Variants in DZANK1 observed in about 807,000 individuals in gnomAD.
The protein encoded by DZANK1 is double zinc ribbon and ankyrin repeat-containing protein 1.
A neutral mutation model predicts 94.5 loss-of-function variants in DZANK1; 91 were observed. That is an observed-to-expected ratio of 0.96 (90% CI 0.81 to 1.15). The LOEUF (loss-of-function observed/expected upper bound fraction) is 1.15. Among genes scored for constraint, DZANK1 ranks in the 50% most tolerant of loss-of-function variants. The probability of loss-of-function intolerance (pLI) is 0.00; values close to 1 mark genes in which losing one functional copy is unlikely to be tolerated. For synonymous variants in DZANK1, 312 were observed against 325.3 expected (o/e 0.96, Z 0.44); for missense variants, 903 against 916.4 (o/e 0.99, Z 0.19).
intron 17 of DZANK1, among the ~76,000 whole-genome samples, chr20:18,392,401 G>A (rs1423707124): frequency 6.6e-6 from 1 of 152,236 alleles, no homozygotes; most frequent in Non-Finnish European, 1.5e-5. Context: ...CCTGCCTCCA[G>A]AGGAATCAGG....
chr20:18,385,573 G>T (rs1254169450), intron 19 of DZANK1, among the ~76,000 whole-genome samples: 1 of 151,992 alleles, frequency 6.6e-6, no homozygotes, highest in Non-Finnish European at 1.5e-5. Flanking sequence ...ATGCCACCAT[G>T]CCTGGCTAAT....
intron 8 of DZANK1, 178 bp from the exon 9 acceptor site, chr20:18,433,943 T>C (rs1174097697): frequency 1.8e-6 from 1 of 561,098 alleles, no homozygotes; most frequent in African/African-American, 1.9e-5. Flanking sequence ...TAAAGTTTGA[T>C]TTGTTTTTGT....
chr20:18,398,645 C>A lies in DZANK1; in HGVS notation c.1433-19G>T. The A allele has an allele frequency of 5.0e-6, 8 of 1,603,888 alleles. No individual in the cohort carries two copies. Among genetic ancestry groups the A allele is most frequent in the Non-Finnish European group, 6.8e-6 (8 of 1,170,812 alleles). On this transcript the variant is annotated intron_variant, in intron 13 of 20. Coordinates refer to ENST00000262547, the Ensembl canonical transcript of DZANK1. ...CAGTACCCTAAGAAAGAAGAGAAAC[C>A]CCGCCATCTGGATGATTCTCCTGAG...
chr20:18,415,686 C>A (rs1451389308), intron 10 of DZANK1, among the ~76,000 whole-genome samples: 2 of 152,076 alleles, frequency 1.3e-5, no homozygotes, highest in Non-Finnish European at 2.9e-5. Flanking sequence ...GTCAATGAAA[C>A]TGGTACCTTG....
intron 8 of DZANK1, chr20:18,433,985 T>C (rs1411792307): frequency 7.9e-6 from 4 of 508,730 alleles, no homozygotes; most frequent in Admixed American, 7.0e-5. Context: ...ACCTTTATGA[T>C]GGATATGCTA....
At chr20:18,384,463 T>C in exon 21 of DZANK1, 1 of 1,612,066 alleles carries the variant, frequency 6.2e-7, no homozygotes, top group Non-Finnish European at 8.5e-7. Flanking sequence ...TTGGCCAAAC[T>C]TGGCAGCAAA....
At position 18,411,315 on chromosome 20, in the gene DZANK1, T is replaced by C. The variant is rs146341831; in HGVS notation, c.1432+1331A>G. ...ATTAGAAATGAAATAGGAGATGTTATCACCAACTTTATTGAAATAAAAAAG... is the reference window on the plus strand; with the variant it reads ...ATTAGAAATGAAATAGGAGATGTTACCACCAACTTTATTGAAATAAAAAAG... On this transcript the variant is annotated intron_variant, in intron 13 of 20. Coordinates refer to ENST00000262547, the Ensembl canonical transcript of DZANK1. 6.8e-3 allele frequency among the ~76,000 whole-genome samples: 1,039 copies of C among 152,236 alleles called. 10 individuals carry two copies. The highest frequency in any genetic ancestry group is 0.024 in the African/African-American group (979 of 41,536).
At chr20:18,423,655 C>T (rs952298862) in intron 10 of DZANK1, among the ~76,000 whole-genome samples, 6 of 151,918 alleles carry the variant, frequency 3.9e-5, no homozygotes, top group Non-Finnish European at 8.8e-5. Context: ...TAAATTTGAC[C>T]TCAATAAGAG....
At chr20:18,418,491 AT>A (rs1297095988) in intron 10 of DZANK1, among the ~76,000 whole-genome samples, 1 of 152,062 alleles carries the variant, frequency 6.6e-6, no homozygotes, top group African/African-American at 2.4e-5. Flanking sequence ...CTCCCCTCAA[AT>A]TTTTTTCTTG....
chr20:18,425,283 T>C (rs1042338407), intron 10 of DZANK1, among the ~76,000 whole-genome samples: 3 of 152,238 alleles, frequency 2.0e-5, no homozygotes, highest in African/African-American at 7.2e-5. Context: ...GAGGGCGCAG[T>C]GGCTCAAGCC....
At chr20:18,436,197 T>G (rs1329062478) in intron 8 of DZANK1, among the ~76,000 whole-genome samples, 1 of 152,166 alleles carries the variant, frequency 6.6e-6, no homozygotes, top group Non-Finnish European at 1.5e-5. Context: ...ATGACAATGA[T>G]CTGACTGGTA....
At chr20:18,397,562 T>C (rs2056413907) in intron 14 of DZANK1, among the ~76,000 whole-genome samples, 1 of 152,188 alleles carries the variant, frequency 6.6e-6, no homozygotes, top group Admixed American at 6.5e-5. Flanking sequence ...CTTCTGACTA[T>C]CAACTGCGGT....
chr20:18,397,468 A>G (rs924112328), intron 14 of DZANK1, among the ~76,000 whole-genome samples: 3 of 152,062 alleles, frequency 2.0e-5, no homozygotes, highest in African/African-American at 4.8e-5. Context: ...CAAATCTTGA[A>G]CCCCATGAGA....
chr20:18,408,701 G>A (rs1351400316), intron 13 of DZANK1, among the ~76,000 whole-genome samples: 1 of 152,114 alleles, frequency 6.6e-6, no homozygotes, highest in Admixed American at 6.5e-5. Context: ...GAGAAACAAA[G>A]ATCTTCCCAA....
At chr20:18,384,501 G>A (rs1297968430) in exon 21 of DZANK1, 1 of 1,612,070 alleles carries the variant, frequency 6.2e-7, no homozygotes, top group Non-Finnish European at 8.5e-7. Flanking sequence ...CATCTCCAGT[G>A]TTCAGAGCCA....
intron 20 of DZANK1, 44 bp downstream of exon 20, chr20:18,384,972 C>A (rs1338072499): frequency 3.9e-6 from 6 of 1,524,434 alleles, no homozygotes; most frequent in Non-Finnish European, 5.3e-6. Context: ...TTAGGGAGAT[C>A]CCTGTGGCCC....
chr20:18,446,920 T>C (rs2058899721), intron 7 of DZANK1, among the ~76,000 whole-genome samples: 1 of 152,140 alleles, frequency 6.6e-6, no homozygotes, highest in Non-Finnish European at 1.5e-5. Context: ...CTTATGCAAA[T>C]GCTGGCAAAA....
intron 15 of DZANK1, among the ~76,000 whole-genome samples, chr20:18,395,108 T>C (rs2056263161): frequency 6.6e-6 from 1 of 152,140 alleles, no homozygotes; most frequent in African/African-American, 2.4e-5. Context: ...ACTTCTGTAA[T>C]CCCAGCACTT....
intron 13 of DZANK1, among the ~76,000 whole-genome samples, chr20:18,400,758 C>T (rs1034501196): frequency 6.6e-6 from 1 of 152,200 alleles, no homozygotes; most frequent in Non-Finnish European, 1.5e-5. Flanking sequence ...CAAATATTTA[C>T]TGGGCACCTA....
Sources: allele counts gnomAD v4.1 joint callset (sites outside exome capture counted in the v4.1 genomes callset), GRCh38; gene constraint gnomAD v4.1.1; transcripts MANE v1.5; gene names NCBI Gene and HGNC (gene_info 2026-07-23, HGNC 2026-07-21).